Variants in CHST9 observed in about 807,000 individuals in gnomAD.
The protein encoded by CHST9 is GalNAc-4-sulfotransferase 2.
A neutral mutation model predicts 44.4 loss-of-function variants in CHST9; 41 were observed. The ratio of observed to expected loss-of-function variants is 0.92; its 90% CI spans 0.72 to 1.20. The LOEUF (loss-of-function observed/expected upper bound fraction) is 1.20. CHST9 is among the 50% of genes most tolerant of loss of function. The pLI, the probability that CHST9 is intolerant of heterozygous loss-of-function variation, is 0.00. For synonymous variants in CHST9, 171 were observed against 178.4 expected (o/e 0.96, Z 0.33); for missense variants, 504 against 516.5 (o/e 0.98, Z 0.23).
Position 26,916,358 on chromosome 18 carries a change from T to C in CHST9, c.1233A>G (p.Arg411=). The C allele has an allele frequency of 6.2e-7, 1 of 1,613,646 alleles. No individual in the cohort carries two copies. The highest frequency in any genetic ancestry group is 8.5e-7 in the Non-Finnish European group (1 of 1,179,618). ...SDERTNAQVV[R]QYLKDLTRTE... ...TTCTAGTCAGATCCTTTAAATACTG[T>C]CTCACGACTTGAGCATTGGTTCTTT... Residue 411 remains arginine, a synonymous_variant, in exon 6 of 6, where the codon AGA becomes AGG. Transcript: ENST00000618847.
chr18:27,054,766 TC>T (rs1171100869), intron 2 of CHST9, among the ~76,000 whole-genome samples: 2 of 152,152 alleles, frequency 1.3e-5, no homozygotes, highest in African/African-American at 4.8e-5. Flanking sequence ...GTATCATAAC[TC>T]AGTATCTCAT....
intron 1 of CHST9, among the ~76,000 whole-genome samples, chr18:27,170,917 A>G (rs1201391344): frequency 2.6e-5 from 4 of 152,234 alleles, no homozygotes; most frequent in Non-Finnish European, 5.9e-5. Context: ...AATAGGTGAT[A>G]AAGAAGGTGT....
intron 4 of CHST9, chr18:26,952,266 C>G: frequency 3.8e-6 from 2 of 525,414 alleles, no homozygotes; most frequent in Admixed American, 1.9e-5. Flanking sequence ...GAGATCCAGT[C>G]GGCTTTTCAG....
intron 2 of CHST9, among the ~76,000 whole-genome samples, chr18:27,096,618 GA>G (rs1160682143): frequency 2.0e-5 from 3 of 151,934 alleles, no homozygotes; most frequent in Non-Finnish European, 2.9e-5. Context: ...CAATCCCACA[GA>G]AATACAAAAG....
intron 4 of CHST9, among the ~76,000 whole-genome samples, chr18:26,989,795 C>A (rs2056795053): frequency 6.6e-6 from 1 of 152,014 alleles, no homozygotes; most frequent in Non-Finnish European, 1.5e-5. Context: ...ACTAACAATA[C>A]AATAATTATT....
chr18:27,086,239 G>A (rs1039185317), intron 2 of CHST9, among the ~76,000 whole-genome samples: 1 of 152,076 alleles, frequency 6.6e-6, no homozygotes, highest in Admixed American at 6.5e-5. Context: ...TAACAAACCT[G>A]CACATGTAAC....
At chr18:27,078,856 A>G (rs1323560306) in intron 2 of CHST9, among the ~76,000 whole-genome samples, 2 of 152,202 alleles carry the variant, frequency 1.3e-5, no homozygotes, top group Non-Finnish European at 2.9e-5. Flanking sequence ...AGTGCCATAA[A>G]TATTGATTTT....
At chr18:26,966,682 A>T (rs796529620) in intron 4 of CHST9, among the ~76,000 whole-genome samples, 30 of 152,274 alleles carry the variant, frequency 2.0e-4, no homozygotes, top group African/African-American at 6.7e-4. Context: ...GTCATGACAC[A>T]GCCTTGCCAG....
chr18:27,123,546 G>A (rs1254759378), intron 2 of CHST9, among the ~76,000 whole-genome samples: 18 of 152,192 alleles, frequency 1.2e-4, no homozygotes, highest in African/African-American at 4.1e-4. Context: ...TTCTACAGGA[G>A]CAGAAAAAAA....
intron 2 of CHST9, among the ~76,000 whole-genome samples, chr18:27,075,512 CT>C (rs11302090): frequency 0.36 from 54,887 of 152,004 alleles, 10,508 homozygotes; most frequent in East Asian, 0.51. Context: ...TCCAAGTAGT[CT>C]GACATTCTTA....
intron 4 of CHST9, among the ~76,000 whole-genome samples, chr18:26,961,577 C>T (rs374106790): frequency 2.6e-5 from 4 of 152,140 alleles, no homozygotes; most frequent in South Asian, 2.1e-4. Flanking sequence ...TAGAGGCATG[C>T]GTCACTGCAC....
At chr18:27,080,451 C>T (rs1297434942) in intron 2 of CHST9, among the ~76,000 whole-genome samples, 1 of 151,824 alleles carries the variant, frequency 6.6e-6, no homozygotes, top group Non-Finnish European at 1.5e-5. Flanking sequence ...TGAAAAATAG[C>T]TTATGTATAT....
intron 4 of CHST9, among the ~76,000 whole-genome samples, chr18:26,988,061 C>CAA (rs529570905): frequency 4.0e-5 from 6 of 150,258 alleles, no homozygotes; most frequent in African/African-American, 1.5e-4. Context: ...AAAGAATGAC[C>CAA]AAAAAAAATA....
chr18:27,077,823 G>A (rs1219617594), intron 2 of CHST9, among the ~76,000 whole-genome samples: 1 of 152,190 alleles, frequency 6.6e-6, no homozygotes, highest in Non-Finnish European at 1.5e-5. Context: ...AACCGAGACT[G>A]GGTAATCTAT....
chr18:26,917,498 ACATACATT>A, intron 5 of CHST9, 148 bp from the exon 6 acceptor site: 2 of 901,508 alleles, frequency 2.2e-6, no homozygotes, highest in South Asian at 3.5e-5. Context: ...GGCATGCTGA[ACATACATT>A]TTGTAGTGAG....
intron 1 of CHST9, among the ~76,000 whole-genome samples, chr18:27,166,301 G>T (rs1216395505): frequency 6.6e-6 from 1 of 152,088 alleles, no homozygotes; most frequent in African/African-American, 2.4e-5. Context: ...CACAAACAGG[G>T]CTCTTCCTGA....
chr18:26,997,876 T>C (rs2056904261), intron 4 of CHST9, among the ~76,000 whole-genome samples: 1 of 152,214 alleles, frequency 6.6e-6, no homozygotes, highest in Admixed American at 6.5e-5. Context: ...CATAGGGCCA[T>C]TTACATATAC....
intron 5 of CHST9, among the ~76,000 whole-genome samples, chr18:26,930,486 T>A (rs548123): frequency 6.6e-6 from 1 of 152,216 alleles, no homozygotes; most frequent in Non-Finnish European, 1.5e-5. Flanking sequence ...TGCATTCAGA[T>A]ACATTTTATC....
chr18:26,983,500 T>G (rs1005647008), intron 4 of CHST9, among the ~76,000 whole-genome samples: 2 of 152,134 alleles, frequency 1.3e-5, no homozygotes, highest in African/African-American at 4.8e-5. Context: ...CTTTGCCTTT[T>G]GCCATGAAAA....
Sources: allele counts gnomAD v4.1 joint callset (sites outside exome capture counted in the v4.1 genomes callset), GRCh38; gene constraint gnomAD v4.1.1; transcripts MANE v1.5; gene names NCBI Gene and HGNC (gene_info 2026-07-23, HGNC 2026-07-21).